Variants in MERTK observed in about 807,000 individuals in gnomAD.
MERTK encodes tyrosine-protein kinase Mer.
A neutral mutation model predicts 99.3 loss-of-function variants in MERTK; 69 were observed. The ratio of observed to expected loss-of-function variants is 0.70; its 90% CI spans 0.57 to 0.85. MERTK has a LOEUF of 0.85. Ranked by LOEUF, MERTK falls within the 40% of genes least tolerant of loss-of-function variation. MERTK has a pLI of 0.00. For missense variants in MERTK, 1,125 were observed against 1,249.4 expected, an observed-to-expected ratio of 0.90 and a Z score of 1.50; for synonymous variants, 426 against 467.6, an observed-to-expected ratio of 0.91 and a Z score of 1.15.
At chr2:111,968,469 C>T (rs932049751) in intron 6 of MERTK, among the ~76,000 whole-genome samples, 10 of 152,076 alleles carry the variant, frequency 6.6e-5, no homozygotes, top group Non-Finnish European at 1.2e-4. Flanking sequence ...AGGGCTCAGT[C>T]AGAAGCAAAA....
intron 2 of MERTK, among the ~76,000 whole-genome samples, chr2:111,941,966 C>T (rs187425034): frequency 2.2e-4 from 33 of 152,308 alleles, no homozygotes; most frequent in African/African-American, 4.1e-4. Context: ...AGCTGCCAGA[C>T]GGTCCTTTGT....
chr2:111,913,081 G>A, intron 1 of MERTK: 1 of 985,322 alleles, frequency 1.0e-6, no homozygotes, highest in Non-Finnish European at 1.2e-6. Flanking sequence ...GTTGATACAG[G>A]TACTGGGTCC....
chr2:111,953,586 T>G (rs937963013), intron 4 of MERTK, among the ~76,000 whole-genome samples: 3 of 152,174 alleles, frequency 2.0e-5, no homozygotes, highest in East Asian at 1.9e-4. Flanking sequence ...CTCTTTTTTT[T>G]TTGTTTTGAG....
At chr2:112,008,944 A>G (rs990301664) in intron 14 of MERTK, 1 of 245,698 alleles carries the variant, frequency 4.1e-6, no homozygotes, top group South Asian at 5.1e-5. Context: ...TTCATGGAAT[A>G]TGATTTAACA....
intron 18 of MERTK, among the ~76,000 whole-genome samples, chr2:112,023,057 C>T (rs372373392): frequency 2.6e-5 from 4 of 152,112 alleles, no homozygotes; most frequent in African/African-American, 4.8e-5. Context: ...GAGGGCAGAT[C>T]GTTTGAGCCC....
chr2:111,952,829 G>T (rs183055453), intron 4 of MERTK, among the ~76,000 whole-genome samples: 1 of 152,310 alleles, frequency 6.6e-6, no homozygotes, highest in East Asian at 1.9e-4. Context: ...CTCCAAAAAG[G>T]CCTTGCAAGT....
rs1573623389 is a variant in MERTK, at chr2:111,989,248, C to G, written c.1297-5003C>G. On this transcript the variant is annotated intron_variant, in intron 8 of 18. Coordinates refer to ENST00000295408, the MANE Select transcript of MERTK (RefSeq NM_006343.3). ...TGTTGATGCCTGTGAATTTGAAACC[C>G]CTTTGAACGAGTCACCTTTGTTGTT... 2.6e-5 allele frequency among the ~76,000 whole-genome samples: 4 copies of G among 152,152 alleles called. No individual in the cohort carries two copies. In the East Asian group the frequency reaches 7.7e-4, roughly 29 times the overall value.
At chr2:111,965,779 G>A (rs2104723173) in intron 5 of MERTK, among the ~76,000 whole-genome samples, 1 of 152,254 alleles carries the variant, frequency 6.6e-6, no homozygotes, top group African/African-American at 2.4e-5. Flanking sequence ...GGAGACAGAG[G>A]AAAAGCAAGA....
At chr2:111,923,455 C>T (rs1428406623) in intron 1 of MERTK, among the ~76,000 whole-genome samples, 3 of 152,072 alleles carry the variant, frequency 2.0e-5, no homozygotes, top group African/African-American at 7.2e-5. Context: ...TGGAGTGGCC[C>T]CTGGAGTTGG....
chr2:111,922,956 G>A (rs1684493186), intron 1 of MERTK, among the ~76,000 whole-genome samples: 1 of 152,166 alleles, frequency 6.6e-6, no homozygotes, highest in Non-Finnish European at 1.5e-5. Context: ...TTGAGTCTAA[G>A]AGACTATTCA....
In MERTK at chr2:111,946,277, G is replaced by T. The variant is rs565893977; in HGVS notation, c.584-1117G>T. On this transcript the variant is annotated intron_variant, in intron 3 of 18. Coordinates refer to ENST00000295408, the MANE Select transcript of MERTK (RefSeq NM_006343.3). ...AAAATATTTACAGGAGATTTTATTTGTCAGAATCCCAGAAAAATGCCCAGA... is the reference window on the plus strand; with the variant it reads ...AAAATATTTACAGGAGATTTTATTTTTCAGAATCCCAGAAAAATGCCCAGA... 5.3e-5 allele frequency among the ~76,000 whole-genome samples: 8 copies of T among 152,248 alleles called. No homozygotes were observed. In the South Asian group the frequency reaches 6.2e-4, roughly 12 times the overall value.
chr2:112,020,283 C>T (rs896325585), intron 16 of MERTK, among the ~76,000 whole-genome samples: 5 of 152,042 alleles, frequency 3.3e-5, no homozygotes, highest in Non-Finnish European at 7.4e-5. Context: ...AATAATTTTT[C>T]GACCATGGAG....
At chr2:111,935,444 A>G (rs1684747671) in intron 2 of MERTK, among the ~76,000 whole-genome samples, 1 of 152,158 alleles carries the variant, frequency 6.6e-6, no homozygotes. Context: ...GGGGAGGTAC[A>G]CTTCTGCCTC....
intron 8 of MERTK, among the ~76,000 whole-genome samples, chr2:111,991,124 C>T (rs1651148552): frequency 3.3e-5 from 5 of 152,112 alleles, no homozygotes; most frequent in Admixed American, 3.3e-4. Context: ...GGGGTTTGGT[C>T]CATGGAGTTA....
At chr2:111,903,690 GGGGACTGGAATGAAAGTGTTAACC>G (rs1469454481) in intron 1 of MERTK, among the ~76,000 whole-genome samples, 1 of 152,162 alleles carries the variant, frequency 6.6e-6, no homozygotes. Flanking sequence ...CTATGCCTCT[GGGGACTGGAATGAAAGTGTTAACC>G]GGGACTGGCT....
chr2:111,906,064 C>A (rs546667335), intron 1 of MERTK, among the ~76,000 whole-genome samples: 79 of 75,108 alleles, frequency 1.1e-3, no homozygotes, highest in Non-Finnish European at 1.6e-3. Context: ...GTATGTTTCT[C>A]CTTGTACTCT....
intron 4 of MERTK, among the ~76,000 whole-genome samples, chr2:111,950,155 C>G (rs1158441076): frequency 1.3e-5 from 2 of 152,136 alleles, no homozygotes; most frequent in African/African-American, 2.4e-5. Context: ...AGGCTGGTCT[C>G]GAATTCCTGA....
At chr2:112,018,839 A>T (rs935141496) in intron 15 of MERTK, among the ~76,000 whole-genome samples, 1 of 152,210 alleles carries the variant, frequency 6.6e-6, no homozygotes, top group Non-Finnish European at 1.5e-5. Context: ...AAATTCCTGA[A>T]TATGTACTTG....
intron 13 of MERTK, among the ~76,000 whole-genome samples, chr2:112,007,433 C>T (rs1322294600): frequency 6.6e-6 from 1 of 152,174 alleles, no homozygotes; most frequent in Non-Finnish European, 1.5e-5. Context: ...GGATTACAGG[C>T]GTGAGCCACT....
Sources: gnomAD v4.1 joint callset for allele counts (sites outside exome capture counted in the v4.1 genomes callset) on GRCh38, gnomAD v4.1.1 for gene constraint, MANE v1.5 for transcripts, NCBI Gene and HGNC (gene_info 2026-07-23, HGNC 2026-07-21) for gene names.